Variants in DNHD1 observed in about 807,000 individuals in gnomAD.
DNHD1 encodes dynein heavy chain domain-containing protein 1.
A neutral mutation model predicts 458.1 loss-of-function variants in DNHD1; 383 were observed. The ratio of observed to expected loss-of-function variants is 0.84; its 90% confidence interval spans 0.77 to 0.91. DNHD1 has a LOEUF of 0.91. Among genes scored for constraint, DNHD1 ranks in the 40% least tolerant of loss-of-function variants. The pLI, the probability that DNHD1 is intolerant of heterozygous loss-of-function variation, is 0.00. For missense variants in DNHD1, 5,336 were observed against 5,866.1 expected (o/e 0.91, Z 2.95); for synonymous variants, 2,203 against 2,376.9 (o/e 0.93, Z 2.13).
chr11:6,516,917 T>C (rs920633230), intron 7 of DNHD1, among the ~76,000 whole-genome samples: 8 of 152,212 alleles, frequency 5.3e-5, no homozygotes, highest in African/African-American at 1.7e-4. Flanking sequence ...TTCTTCAAGA[T>C]TGTTATGAAC....
chr11:6,519,938 G>A (rs1168247592), intron 8 of DNHD1, 27 bp from the exon 9 acceptor site: 34 of 1,613,876 alleles, frequency 2.1e-5, no homozygotes, highest in Middle Eastern at 1.7e-4. Flanking sequence ...CTAGCCCCTC[G>A]ACCTTTCCTG....
chr11:6,531,422 G>A (rs1852826476), intron 12 of DNHD1, among the ~76,000 whole-genome samples: 1 of 152,102 alleles, frequency 6.6e-6, no homozygotes, highest in Admixed American at 6.5e-5. Flanking sequence ...AAGGAGTCCT[G>A]GTATTTTATC....
chr11:6,552,637 T>C (rs1853382273), intron 24 of DNHD1, among the ~76,000 whole-genome samples: 1 of 151,074 alleles, frequency 6.6e-6, no homozygotes, highest in African/African-American at 2.4e-5. Flanking sequence ...AGGCACATCT[T>C]ACATAGCAGT....
chr11:6,516,450 A>G (rs1852471397), intron 7 of DNHD1, among the ~76,000 whole-genome samples: 1 of 151,776 alleles, frequency 6.6e-6, no homozygotes, highest in Admixed American at 6.6e-5. Context: ...GGTGCCCACC[A>G]CCACGCCTGG....
In DNHD1 at chr11:6,509,422, A is replaced by G. The variant is rs138712078; in HGVS notation, c.1235+150A>G. On this transcript the variant is annotated intron_variant, in intron 6 of 42. Coordinates refer to ENST00000254579, the MANE Select transcript of DNHD1 (RefSeq NM_144666.3). ...CCAACCACTATGAACATTTTGTTGC[A>G]TATCTTTCTAGTCTTTTTTCTATCA... is the stretch of plus-strand genomic sequence containing the variant. 111 of 673,986 alleles carry G rather than the reference A, an allele frequency of 1.6e-4. 2 individuals are homozygous for G. In the South Asian group the frequency reaches 1.7e-3, roughly 10 times the overall value. The allele number at this position is 673,986 out of a possible 1,614,324, so 41.8% of individuals were successfully genotyped here.
chr11:6,537,149 A>G (rs1852969417), intron 14 of DNHD1, among the ~76,000 whole-genome samples: 1 of 152,232 alleles, frequency 6.6e-6, no homozygotes, highest in East Asian at 1.9e-4. Flanking sequence ...CCTCGATATT[A>G]TAATTATTGT....
chr11:6,534,265 G>A, intron 14 of DNHD1, 92 bp downstream of exon 14: 1 of 1,335,144 alleles, frequency 7.5e-7, no homozygotes, highest in Non-Finnish European at 1.0e-6. Context: ...TGTCCTGTAT[G>A]ACCCCAAGCA....
At chr11:6,535,816 A>C (rs1414480539) in intron 14 of DNHD1, among the ~76,000 whole-genome samples, 1 of 152,222 alleles carries the variant, frequency 6.6e-6, no homozygotes, top group Non-Finnish European at 1.5e-5. Context: ...TCAGATAAGG[A>C]TCAACAGATG....
In DNHD1 at chr11:6,557,318, G is replaced by A. The variant is rs1173103399; in HGVS notation, c.8023G>A (p.Val2675Ile). 5 of 1,551,650 alleles carry A rather than the reference G, an allele frequency of 3.2e-6. No individual in the cohort carries two copies. The East Asian group carries it at 1.2e-4, about 38-fold the overall frequency. Reference sequence around the variant, plus strand: ...CTACTGTGCCAAGCTGCTCCTAGTAGTAGCTCAAAGTGTCTTCTGCTGTGG... The same window carrying A: ...CTACTGTGCCAAGCTGCTCCTAGTAATAGCTCAAAGTGTCTTCTGCTGTGG... Reference protein sequence around the residue: ...RSYCAKLLLVVAQSVFCCGPG... With the variant: ...RSYCAKLLLVIAQSVFCCGPG... Residue 2675 changes from valine (V) to isoleucine (I), a missense_variant, in exon 25 of 43, where the codon GTA (valine) becomes ATA (isoleucine). By Grantham distance (29) the Val-to-Ile change is conservative (BLOSUM62 3). Transcript: ENST00000254579.
intron 4 of DNHD1, among the ~76,000 whole-genome samples, chr11:6,507,126 C>G (rs1694014214): frequency 6.6e-6 from 1 of 152,160 alleles, no homozygotes; most frequent in South Asian, 2.1e-4. Context: ...ATTCTGAGCC[C>G]TTTGAGGACA....
rs919556563 is a variant in DNHD1 at position 6,558,465 on chromosome 11, A to G, written c.9003-20A>G. 2 of 1,551,154 alleles carry G rather than the reference A, an allele frequency of 1.3e-6. No individual in the cohort carries two copies. The highest frequency in any genetic ancestry group is 1.7e-6 in the Non-Finnish European group (2 of 1,146,868). ...AAGCAAAGGTAAAGGGGAGGACATT[A>G]GCTGAGCCCTGGCCCACAGGTTCCA... On this transcript the variant is annotated intron_variant, in intron 25 of 42. Transcript: ENST00000254579.
At chr11:6,512,150 G>C (rs542037024) in intron 7 of DNHD1, among the ~76,000 whole-genome samples, 11 of 151,694 alleles carry the variant, frequency 7.3e-5, no homozygotes, top group African/African-American at 2.4e-4. Context: ...AATCACAAAG[G>C]ACAGAACTCT....
intron 24 of DNHD1, among the ~76,000 whole-genome samples, chr11:6,552,856 C>T (rs1489069174): frequency 1.3e-5 from 2 of 152,070 alleles, no homozygotes; most frequent in African/African-American, 4.8e-5. Context: ...AAAAACATAA[C>T]TTGTCAAAGC....
chr11:6,508,919 T>TC lies in DNHD1; in HGVS notation c.963dup (p.Glu322ArgfsTer19). On this transcript the variant is annotated frameshift_variant, in exon 5 of 43. Coordinates refer to ENST00000254579, the MANE Select transcript of DNHD1 (RefSeq NM_144666.3). LOFTEE classifies it high-confidence loss of function. ...TGGTGGTGCCACCCGACAAGGTGAA[T>TC]CCCGAGCACTACATCTTCTCTCCCT... is the stretch of plus-strand genomic sequence containing the variant. 3 of 1,614,186 alleles carry TC rather than the reference T, an allele frequency of 1.9e-6. No homozygotes were observed. Among genetic ancestry groups the TC allele is most frequent in the East Asian group, 2.2e-5 (1 of 44,890 alleles).
rs1303095860 is a variant in DNHD1, at chr11:6,548,406, T to C, written c.7098+4T>C. On this transcript the variant is annotated splice_donor_region_variant and intron_variant, in intron 23 of 42. Coordinates refer to ENST00000254579, the MANE Select transcript of DNHD1 (RefSeq NM_144666.3). This position sits in a 1 kb window ranked among gnomAD's most constrained non-coding sequence, Gnocchi z 4.4. ...CACCTTTCACCCTTCTATCCAGGTG[T>C]GAGGACAGTAAGGCAAGAGCTGGGG... is the stretch of plus-strand genomic sequence containing the variant. 3 of 1,551,408 alleles carry C rather than the reference T, an allele frequency of 1.9e-6. No homozygotes were observed. The highest frequency in any genetic ancestry group is 1.7e-6 in the Non-Finnish European group (2 of 1,146,800).
intron 3 of DNHD1, among the ~76,000 whole-genome samples, 191 bp downstream of exon 3, chr11:6,499,152 A>T (rs1852090047): frequency 6.6e-6 from 1 of 152,266 alleles, no homozygotes; most frequent in African/African-American, 2.4e-5. Context: ...CAGTGGTGTT[A>T]GTCTTAATCC....
Position 6,548,788 on chromosome 11 carries a change from C to T in DNHD1, c.7242C>T (p.His2414=). ...PHHPYIYSPI[H]PAFSSSHLRL... ...ACCCTTACATATACAGCCCCATCCA[C>T]CCTGCCTTCAGTTCCTCCCACCTCC... The change falls in exon 24 of 43, where the codon CAC becomes CAT. Residue 2414 remains histidine, a synonymous_variant. Transcript: ENST00000254579. This position sits in a 1 kb window ranked among gnomAD's most constrained non-coding sequence, Gnocchi z 4.4. 3 of 1,551,678 alleles carry T rather than the reference C, an allele frequency of 1.9e-6. No homozygotes were observed. Among genetic ancestry groups the T allele is most frequent in the African/African-American group, 1.4e-5 (1 of 73,144 alleles).
rs1853680835 is a variant in DNHD1 at position 6,565,774 on chromosome 11, T to C, written c.10836T>C (p.Asn3612=). 1 of 1,551,004 alleles carries C rather than the reference T, an allele frequency of 6.4e-7. No individual in the cohort carries two copies. The highest frequency in any genetic ancestry group is 8.7e-7 in the Non-Finnish European group (1 of 1,146,942). ...KEEDDESEES[N]EAEDQTKEQK... is the part of the protein sequence containing the mutation. Reference sequence around the variant, plus strand: ...AAGATGATGAGAGTGAAGAGAGTAATGAGGCTGAGGACCAGACAAAAGAGC... The same window carrying C: ...AAGATGATGAGAGTGAAGAGAGTAACGAGGCTGAGGACCAGACAAAAGAGC... The change falls in exon 33 of 43, where the codon AAT becomes AAC. Residue 3612 remains asparagine, a synonymous_variant. Transcript: ENST00000254579.
In DNHD1 at chr11:6,562,551, A is replaced by G. The variant is rs192167637; in HGVS notation, c.9520-431A>G. On this transcript the variant is annotated intron_variant, in intron 28 of 42. Coordinates refer to ENST00000254579, the MANE Select transcript of DNHD1 (RefSeq NM_144666.3). ...TGAAAAAATTGATGAGGAATAGTTA[A>G]GGGCTGACAGAGGAAGAGAATGAGA... is the stretch of plus-strand genomic sequence containing the variant. 6.6e-5 allele frequency among the ~76,000 whole-genome samples: 10 copies of G among 152,240 alleles called. No individual in the cohort carries two copies. The East Asian group carries it at 1.9e-3, about 29-fold the overall frequency.
Sources: gnomAD v4.1 joint callset for allele counts (sites outside exome capture counted in the v4.1 genomes callset) on GRCh38, gnomAD v4.1.1 for gene constraint, Gnocchi (gnomAD v3.1) non-coding constraint, MANE v1.5 for transcripts, NCBI Gene and HGNC (gene_info 2026-07-23, HGNC 2026-07-21) for gene names.